KANSL1L: variants seen among roughly 807,000 people sequenced by gnomAD.
KANSL1L encodes KAT8 regulatory NSL complex subunit 1-like protein.
A neutral mutation model predicts 108.6 loss-of-function variants in KANSL1L; 25 were observed. The observed-to-expected ratio is 0.23, with a 90% CI of 0.17 to 0.32. KANSL1L has a LOEUF of 0.32. KANSL1L is among the 10% of genes least tolerant of loss of function. The pLI is 1.00. For synonymous variants in KANSL1L, 405 were observed against 395.1 expected (o/e 1.03, Z -0.30); for missense variants, 1,137 against 1,125.7 (o/e 1.01, Z -0.14).
chr2:210,104,236 T>C lies in KANSL1L; in HGVS notation c.1296A>G (p.Ala432=), dbSNP rs1172053266. ...GAATGTTTAGTGAAGCTGCTTGGTC[T>C]GCAAATTGCATTTGTTTTTTCAAAA... ...KDILKKQMQF[A]DQAASLNILG... Residue 432 remains alanine (A), a synonymous_variant, in exon 4 of 15, where the codon GCA becomes GCG. Transcript: ENST00000281772. The C allele has an allele frequency of 2.5e-6, 4 of 1,613,810 alleles. No homozygotes were observed. In the African/African-American group the frequency reaches 5.3e-5, roughly 22 times the overall value.
rs1367582995 is a variant in KANSL1L, at chr2:210,028,738, G to A, written c.2396+107C>T. On this transcript the variant is annotated intron_variant, in intron 11 of 14. Coordinates refer to ENST00000281772, the MANE Select transcript of KANSL1L (RefSeq NM_152519.4). Reference sequence around the variant, plus strand: ...CCGTTTCCCCTCCATGGCTATGAAGGAACTGGGAGAAGGATGCTCCTTTCA... The same window carrying A: ...CCGTTTCCCCTCCATGGCTATGAAGAAACTGGGAGAAGGATGCTCCTTTCA... 6.1e-6 allele frequency: 5 copies of A among 816,020 alleles called. No homozygotes were observed. The African/African-American group carries it at 8.8e-5, about 14-fold the overall frequency. 50.5% of individuals were successfully genotyped at this position (816,020 alleles called of 1,614,324 possible).
intron 2 of KANSL1L, among the ~76,000 whole-genome samples, chr2:210,148,796 T>C (rs2095282921): frequency 6.6e-6 from 1 of 152,188 alleles, no homozygotes; most frequent in South Asian, 2.1e-4. Flanking sequence ...TGTGAATACT[T>C]TCCAATTTTC....
At chr2:210,142,767 TTCC>T (rs1300571146) in intron 2 of KANSL1L, among the ~76,000 whole-genome samples, 1 of 152,158 alleles carries the variant, frequency 6.6e-6, no homozygotes, top group African/African-American at 2.4e-5. Flanking sequence ...TTTTCCAAAA[TTCC>T]TCCTGTTACT....
intron 2 of KANSL1L, chr2:210,151,914 A>G (rs1007357071): frequency 6.6e-6 from 1 of 152,342 alleles, no homozygotes; most frequent in Admixed American, 6.5e-5. Flanking sequence ...ATTTCATAGT[A>G]AATATCAATG....
At chr2:210,024,720 T>C (rs1054433791) in intron 13 of KANSL1L, among the ~76,000 whole-genome samples, 1 of 152,148 alleles carries the variant, frequency 6.6e-6, no homozygotes, top group Non-Finnish European at 1.5e-5. Context: ...TTTTATTTTT[T>C]TAAAGAAAAA....
chr2:210,024,325 T>C (rs1306370803), intron 13 of KANSL1L, 124 bp from the exon 14 acceptor site: 9 of 589,090 alleles, frequency 1.5e-5, no homozygotes, highest in Admixed American at 3.9e-5. Context: ...TGCCCAAAGA[T>C]TTTTAAAAAT....
chr2:210,091,616 T>G (rs946102656), intron 5 of KANSL1L, among the ~76,000 whole-genome samples: 3 of 152,178 alleles, frequency 2.0e-5, no homozygotes, highest in African/African-American at 7.2e-5. Context: ...ACTTTTTTAC[T>G]GAGATCCTGA....
chr2:210,071,537 G>A (rs2125314589), intron 6 of KANSL1L, among the ~76,000 whole-genome samples: 1 of 152,178 alleles, frequency 6.6e-6, no homozygotes, highest in African/African-American at 2.4e-5. Flanking sequence ...CCAAAGTGTT[G>A]GGATTACAGG....
intron 6 of KANSL1L, among the ~76,000 whole-genome samples, chr2:210,065,163 G>A (rs1282350181): frequency 6.6e-6 from 1 of 151,314 alleles, no homozygotes; most frequent in Middle Eastern, 3.4e-3. Context: ...TGTGGTGGTG[G>A]TGCCTGTAAT....
At chr2:210,165,438 A>C (rs1228837182) in intron 1 of KANSL1L, among the ~76,000 whole-genome samples, 1 of 152,102 alleles carries the variant, frequency 6.6e-6, no homozygotes, top group Non-Finnish European at 1.5e-5. Context: ...ACATTTTTTA[A>C]AACTAGAAAG....
intron 4 of KANSL1L, among the ~76,000 whole-genome samples, chr2:210,100,257 T>C (rs2094780797): frequency 6.6e-6 from 1 of 152,160 alleles, no homozygotes; most frequent in South Asian, 2.1e-4. Flanking sequence ...TGGAACAGTT[T>C]CATCTCAAAA....
At chr2:210,061,510 G>T (rs1293099657) in intron 6 of KANSL1L, among the ~76,000 whole-genome samples, 1 of 152,178 alleles carries the variant, frequency 6.6e-6, no homozygotes, top group Admixed American at 6.5e-5. Context: ...AAATTTTAAA[G>T]AATGCTATTA....
At chr2:210,137,761 T>A (rs1203705336) in intron 2 of KANSL1L, among the ~76,000 whole-genome samples, 1 of 152,172 alleles carries the variant, frequency 6.6e-6, no homozygotes, top group Non-Finnish European at 1.5e-5. Flanking sequence ...CCAGGCACAG[T>A]GGCTCATGCC....
rs917281978 is a variant in KANSL1L at position 210,054,153 on chromosome 2, T to TA, written c.1756-10050dup. On this transcript the variant is annotated intron_variant, in intron 6 of 14. Coordinates refer to ENST00000281772, the MANE Select transcript of KANSL1L (RefSeq NM_152519.4). ...AACACGGTGAAACCCCATCTCTAAT[T>TA]AAAAAAAAAATACAAAAAATTAGCT... 3.2e-4 allele frequency among the ~76,000 whole-genome samples: 47 copies of TA among 147,742 alleles called. No homozygotes were observed. In the East Asian group the frequency reaches 3.6e-3, roughly 11 times the overall value.
At chr2:210,144,651 A>G (rs1028937422) in intron 2 of KANSL1L, among the ~76,000 whole-genome samples, 10 of 152,082 alleles carry the variant, frequency 6.6e-5, no homozygotes, top group African/African-American at 2.2e-4. Flanking sequence ...ATTTCTGCCT[A>G]GTTACCTTTT....
intron 2 of KANSL1L, among the ~76,000 whole-genome samples, chr2:210,145,631 T>G (rs948733867): frequency 6.6e-6 from 1 of 152,190 alleles, no homozygotes; most frequent in South Asian, 2.1e-4. Context: ...TTCTGAGGCA[T>G]GGGCACACAG....
At chr2:210,030,557 T>C (rs2094003584) in intron 9 of KANSL1L, among the ~76,000 whole-genome samples, 1 of 147,794 alleles carries the variant, frequency 6.8e-6, no homozygotes, top group African/African-American at 2.5e-5. Context: ...GTGTGTGTAG[T>C]AAATATATAT....
At chr2:210,037,218 T>C (rs1017516227) in intron 8 of KANSL1L, among the ~76,000 whole-genome samples, 3 of 152,216 alleles carry the variant, frequency 2.0e-5, no homozygotes, top group African/African-American at 7.2e-5. Context: ...ATTAAATGCA[T>C]ACTTATATTT....
At chr2:210,107,856 A>C (rs550897217) in intron 3 of KANSL1L, among the ~76,000 whole-genome samples, 2 of 151,998 alleles carry the variant, frequency 1.3e-5, no homozygotes, top group African/African-American at 4.8e-5. Context: ...ATTTAAGCAA[A>C]GTTTAGACCA....
Sources: gnomAD v4.1 joint callset for allele counts (sites outside exome capture counted in the v4.1 genomes callset) on GRCh38, gnomAD v4.1.1 for gene constraint, MANE v1.5 for transcripts, NCBI Gene and HGNC (gene_info 2026-07-23, HGNC 2026-07-21) for gene names.